NIPBL: variants seen among roughly 807,000 people sequenced by gnomAD.
NIPBL encodes nipped-B-like protein.
In NIPBL, 19 loss-of-function variants were observed where a neutral mutation model predicts 321.8. The observed-to-expected ratio is 0.06, with a 90% CI of 0.04 to 0.09. The LOEUF (loss-of-function observed/expected upper bound fraction) is 0.09, where lower values mean the gene tolerates loss of function less well. NIPBL is among the 10% of genes least tolerant of loss of function. The pLI is 1.00. For synonymous variants in NIPBL, 1,106 were observed against 1,114.1 expected, an observed-to-expected ratio of 0.99 and a Z score of 0.14; for missense variants, 2,210 against 3,327.0, an observed-to-expected ratio of 0.66 and a Z score of 8.26.
chr5:36,938,349 C>T (rs548264916), intron 1 of NIPBL, among the ~76,000 whole-genome samples: 22 of 151,968 alleles, frequency 1.4e-4, no homozygotes, highest in African/African-American at 5.1e-4. Context: ...CACACACCCC[C>T]GACCACCACC....
intron 1 of NIPBL, among the ~76,000 whole-genome samples, chr5:36,923,390 T>A (rs1326749279): frequency 1.3e-5 from 2 of 152,072 alleles, no homozygotes; most frequent in Non-Finnish European, 2.9e-5. Context: ...ATATATATAT[T>A]TTTTCCTTTC....
chr5:37,037,523 C>T (rs767359138), intron 33 of NIPBL, among the ~76,000 whole-genome samples: 2 of 150,330 alleles, frequency 1.3e-5, no homozygotes, highest in Non-Finnish European at 3.0e-5. Context: ...TGAGGAACAA[C>T]GTCAGCCTCA....
At chr5:37,059,286 C>T in intron 44 of NIPBL, 121 bp downstream of exon 44, 2 of 1,013,658 alleles carry the variant, frequency 2.0e-6, no homozygotes, top group Non-Finnish European at 3.0e-6. Flanking sequence ...GCGGGCAGAT[C>T]CCCTGAGGTC....
intron 16 of NIPBL, among the ~76,000 whole-genome samples, chr5:37,003,754 AC>A (rs1747097912): frequency 6.6e-6 from 1 of 152,204 alleles, no homozygotes; most frequent in Non-Finnish European, 1.5e-5. Flanking sequence ...ATTACTAGTT[AC>A]ATTCATTAGC....
chr5:36,900,243 A>G (rs1446653338), intron 1 of NIPBL, among the ~76,000 whole-genome samples: 1 of 152,236 alleles, frequency 6.6e-6, no homozygotes, highest in Non-Finnish European at 1.5e-5. Flanking sequence ...AAAGTGCAGT[A>G]TAAAAACTAT....
At chr5:36,950,857 G>A (rs1479620642) in intron 1 of NIPBL, among the ~76,000 whole-genome samples, 2 of 152,120 alleles carry the variant, frequency 1.3e-5, no homozygotes, top group African/African-American at 4.8e-5. Flanking sequence ...GCTATTTCTT[G>A]ATGGACCCTG....
At chr5:36,885,360 C>G (rs1255038211) in intron 1 of NIPBL, 2 of 464,066 alleles carry the variant, frequency 4.3e-6, no homozygotes. Flanking sequence ...TCCTGTTCCA[C>G]CAGCTTCCGC....
At chr5:36,948,550 A>G (rs1739935562) in intron 1 of NIPBL, among the ~76,000 whole-genome samples, 1 of 151,916 alleles carries the variant, frequency 6.6e-6, no homozygotes, top group African/African-American at 2.4e-5. Flanking sequence ...TACATCCATC[A>G]TGTATTTAGC....
In NIPBL at chr5:37,044,718, A is replaced by G. The variant is rs374645420; in HGVS notation, c.6332A>G (p.Asn2111Ser). The G allele has an allele frequency of 5.0e-6, 8 of 1,610,574 alleles. No individual in the cohort carries two copies. Among genetic ancestry groups the G allele is most frequent in the East Asian group, 4.5e-5 (2 of 44,844 alleles). ...QNFKFVWACFNRYYGAISKLK... is the reference protein window; with the variant it reads ...QNFKFVWACFSRYYGAISKLK... ...TTTAAATTTGTGTGGGCTTGTTTCA[A>G]TAGATACTATGGTAAGTTCAATACC... is the stretch of plus-strand genomic sequence containing the variant. Residue 2111 changes from asparagine to serine, a missense_variant, in exon 36 of 47, where the codon AAT becomes AGT. Coordinates refer to ENST00000282516, the MANE Select transcript of NIPBL (RefSeq NM_133433.4).
intron 14 of NIPBL, among the ~76,000 whole-genome samples, chr5:37,001,746 G>A (rs1746829055): frequency 6.6e-6 from 1 of 152,064 alleles, no homozygotes; most frequent in Non-Finnish European, 1.5e-5. Context: ...TAGGATTAAT[G>A]TTATATTCAT....
At chr5:36,911,020 G>A (rs1489468636) in intron 1 of NIPBL, among the ~76,000 whole-genome samples, 1 of 152,096 alleles carries the variant, frequency 6.6e-6, no homozygotes, top group Non-Finnish European at 1.5e-5. Flanking sequence ...TCCCTCAGTT[G>A]AATTAAGAGG....
At position 37,020,835 on chromosome 5, in the gene NIPBL, C is replaced by A; in HGVS notation, c.5286C>A (p.Ser1762=). ...DACLIVRYLA[S]MRPFAQSFDI... is the part of the protein sequence containing the mutation. ...GCTTGATTGTTCGATACTTGGCCTC[C>A]ATGAGGCCGTTTGCCCAGAGCTTTG... The change falls in exon 27 of 47, where the codon TCC becomes TCA. Residue 1762 remains serine (S), a synonymous_variant. Transcript: ENST00000282516. 6.2e-7 allele frequency: 1 copy of A among 1,613,796 alleles called. No individual in the cohort carries two copies. Among genetic ancestry groups the A allele is most frequent in the African/African-American group, 1.3e-5 (1 of 75,060 alleles).
At chr5:36,885,568 G>A (rs1580142122) in intron 1 of NIPBL, 2 of 531,192 alleles carry the variant, frequency 3.8e-6, no homozygotes, top group East Asian at 1.0e-4. Context: ...AGGGACCCCA[G>A]GTCAGAGACT....
intron 1 of NIPBL, among the ~76,000 whole-genome samples, chr5:36,925,025 A>G (rs1051881518): frequency 3.3e-5 from 5 of 152,184 alleles, no homozygotes; most frequent in African/African-American, 1.2e-4. Context: ...CTAAGCAGTT[A>G]CTTTGTCCAC....
chr5:37,013,151 C>T (rs1212678216), intron 21 of NIPBL, among the ~76,000 whole-genome samples: 1 of 147,380 alleles, frequency 6.8e-6, no homozygotes, highest in Admixed American at 6.7e-5. Flanking sequence ...CCGGACGGGG[C>T]GGCTGGCCAG....
intron 1 of NIPBL, among the ~76,000 whole-genome samples, chr5:36,890,863 G>A (rs1746268578): frequency 6.6e-6 from 1 of 152,206 alleles, no homozygotes; most frequent in South Asian, 2.1e-4. Flanking sequence ...GAAATACCCA[G>A]TGTGATGTGA....
chr5:36,923,133 T>C (rs1361153802), intron 1 of NIPBL, among the ~76,000 whole-genome samples: 4 of 151,920 alleles, frequency 2.6e-5, no homozygotes, highest in South Asian at 2.1e-4. Flanking sequence ...TGTAATTTTG[T>C]ACTAAAAATA....
intron 11 of NIPBL, among the ~76,000 whole-genome samples, chr5:36,997,719 C>A (rs1746299329): frequency 6.6e-6 from 1 of 152,126 alleles, no homozygotes; most frequent in South Asian, 2.1e-4. Context: ...AAAGTGGACA[C>A]TGGAGGCACC....
At chr5:36,916,573 C>T (rs1203500623) in intron 1 of NIPBL, among the ~76,000 whole-genome samples, 2 of 152,070 alleles carry the variant, frequency 1.3e-5, no homozygotes, top group African/African-American at 2.4e-5. Flanking sequence ...CATATGTATA[C>T]ATGTGCCATG....
Sources: gnomAD v4.1 joint callset for allele counts (sites outside exome capture counted in the v4.1 genomes callset) on GRCh38, gnomAD v4.1.1 for gene constraint, MANE v1.5 for transcripts, NCBI Gene and HGNC (gene_info 2026-07-23, HGNC 2026-07-21) for gene names.